Variants in TEC observed in about 807,000 individuals in gnomAD.
The protein encoded by TEC is tyrosine-protein kinase Tec.
TEC carries 72 observed loss-of-function variants against 93.0 expected under a neutral mutation model. The ratio of observed to expected loss-of-function variants is 0.77; its 90% confidence interval spans 0.64 to 0.94. The LOEUF (loss-of-function observed/expected upper bound fraction) is 0.94, where lower values mean the gene tolerates loss of function less well. Ranked by LOEUF, TEC falls within the 40% of genes least tolerant of loss-of-function variation. The pLI is 0.00. For synonymous variants in TEC, 249 were observed against 247.7 expected (o/e 1.01, Z -0.05); for missense variants, 630 against 757.9 (o/e 0.83, Z 1.98).
Position 48,200,277 on chromosome 4 carries a change from G to T in TEC, c.139-24091C>A, listed in dbSNP as rs79981131. On this transcript the variant is annotated intron_variant, in intron 2 of 17. Coordinates refer to ENST00000381501, the MANE Select transcript of TEC (RefSeq NM_003215.3). The stretch of plus-strand genomic sequence containing the variant: ...GAGGAACTGAAAAACAGGTGGGCTG[G>T]GGGGTGGGGAGTGAGGAGAAAGAAT... Among the ~76,000 whole-genome samples the T allele has an allele frequency of 8.8e-3, 1,335 of 152,152 alleles. 11 individuals are homozygous for T. The highest frequency in any genetic ancestry group is 0.029 in the South Asian group (138 of 4,820).
At position 48,138,965 on chromosome 4, in the gene TEC, C is replaced by T; in HGVS notation, c.1593G>A (p.Trp531Ter). The change falls in exon 16 of 18, where the codon TGG (tryptophan) becomes TGA (stop). Residue 531 changes from tryptophan to a stop codon, truncating the protein, a stop_gained. Transcript: ENST00000381501. LOFTEE classifies it high-confidence loss of function. Reference sequence around the variant, plus strand: ...TGTAATTAAACACTTCAGGTGGACACCACTTCACAGGAAACTTAGCACCAG... The same window carrying T: ...TGTAATTAAACACTTCAGGTGGACATCACTTCACAGGAAACTTAGCACCAG... ...SSSGAKFPVK[W>*]CPPEVFNYSR... is the part of the protein sequence containing the mutation. 2 of 1,614,200 alleles carry T rather than the reference C, an allele frequency of 1.2e-6. No homozygotes were observed. The highest frequency in any genetic ancestry group is 1.1e-5 in the South Asian group (1 of 91,086).
At chr4:48,238,879 G>A (rs1723857038) in intron 1 of TEC, among the ~76,000 whole-genome samples, 1 of 151,920 alleles carries the variant, frequency 6.6e-6, no homozygotes, top group Admixed American at 6.6e-5. Flanking sequence ...TCCAGCCTCC[G>A]ACTGGCAGAC....
intron 1 of TEC, among the ~76,000 whole-genome samples, chr4:48,242,534 CT>C (rs1267497005): frequency 6.6e-6 from 1 of 152,178 alleles, no homozygotes; most frequent in Non-Finnish European, 1.5e-5. Flanking sequence ...AAAGAAAACT[CT>C]TATTTCAAAA....
chr4:48,249,936 T>G (rs1724158735), intron 1 of TEC, among the ~76,000 whole-genome samples: 1 of 152,206 alleles, frequency 6.6e-6, no homozygotes, highest in Admixed American at 6.5e-5. Flanking sequence ...ACTAGAAGAC[T>G]TCAGGGTGAC....
At chr4:48,220,118 A>T (rs1481600799) in intron 2 of TEC, among the ~76,000 whole-genome samples, 3 of 145,894 alleles carry the variant, frequency 2.1e-5, no homozygotes, top group Non-Finnish European at 4.5e-5. Context: ...TATCCTAGAG[A>T]TGGGGAGATG....
chr4:48,197,498 T>A (rs542703024), intron 2 of TEC, among the ~76,000 whole-genome samples: 30 of 152,214 alleles, frequency 2.0e-4, no homozygotes, highest in African/African-American at 7.2e-4. Flanking sequence ...AAACAGCACA[T>A]GCAAGAAGGG....
chr4:48,188,629 A>G (rs569920986), intron 2 of TEC, among the ~76,000 whole-genome samples: 1 of 152,272 alleles, frequency 6.6e-6, no homozygotes, highest in East Asian at 1.9e-4. Flanking sequence ...TATGCTATAC[A>G]TACATATACA....
chr4:48,231,747 A>G (rs1723653530), intron 1 of TEC, among the ~76,000 whole-genome samples: 1 of 151,564 alleles, frequency 6.6e-6, no homozygotes, highest in Non-Finnish European at 1.5e-5. Flanking sequence ...ACAGAGCAAG[A>G]CTCCGTCTGA....
intron 17 of TEC, 64 bp from the exon 18 acceptor site, chr4:48,137,563 C>T (rs1267305085): frequency 1.1e-5 from 15 of 1,324,074 alleles, no homozygotes; most frequent in Non-Finnish European, 1.5e-5. Flanking sequence ...CCTCTCACTG[C>T]TCCAACTCCT....
chr4:48,269,636 G>T (rs1724737530), intron 1 of TEC, 116 bp downstream of exon 1: 1 of 152,280 alleles, frequency 6.6e-6, no homozygotes, highest in Non-Finnish European at 1.5e-5. Flanking sequence ...ATCCTTCCCC[G>T]TTCCTCGAGG....
intron 1 of TEC, among the ~76,000 whole-genome samples, chr4:48,229,019 A>C (rs778254712): frequency 3.9e-5 from 6 of 152,208 alleles, no homozygotes; most frequent in African/African-American, 7.2e-5. Flanking sequence ...TGTGTGGCTG[A>C]TTTACACTGG....
chr4:48,173,461 T>C, intron 3 of TEC, among the ~76,000 whole-genome samples: 1 of 152,202 alleles, frequency 6.6e-6, no homozygotes, highest in African/African-American at 2.4e-5. Flanking sequence ...TGGGCCAGTA[T>C]CTCCCTGAGC....
intron 14 of TEC, among the ~76,000 whole-genome samples, chr4:48,142,224 AT>A (rs1719703982): frequency 6.6e-6 from 1 of 151,900 alleles, no homozygotes; most frequent in Non-Finnish European, 1.5e-5. Flanking sequence ...CAATCCCAAC[AT>A]TTTGGGAGGC....
chr4:48,253,016 T>C (rs1724247513), intron 1 of TEC, among the ~76,000 whole-genome samples: 1 of 152,212 alleles, frequency 6.6e-6, no homozygotes, highest in Non-Finnish European at 1.5e-5. Flanking sequence ...AGGTGAATCA[T>C]ATAGAATGCA....
At chr4:48,200,277 G>C (rs79981131) in intron 2 of TEC, among the ~76,000 whole-genome samples, 1 of 152,034 alleles carries the variant, frequency 6.6e-6, no homozygotes, top group Non-Finnish European at 1.5e-5. Context: ...AGGTGGGCTG[G>C]GGGGTGGGGA....
intron 9 of TEC, among the ~76,000 whole-genome samples, chr4:48,151,322 T>C (rs1243882058): frequency 6.6e-6 from 1 of 152,166 alleles, no homozygotes; most frequent in Non-Finnish European, 1.5e-5. Context: ...TTCTTAATGA[T>C]TGGGTTTCAT....
chr4:48,236,540 C>T (rs1723791462), intron 1 of TEC, among the ~76,000 whole-genome samples: 1 of 152,168 alleles, frequency 6.6e-6, no homozygotes, highest in South Asian at 2.1e-4. Flanking sequence ...TCGCGGCCTC[C>T]CAAAGTGCTG....
At position 48,240,106 on chromosome 4, in the gene TEC, A is replaced by T. The variant is rs139217460; in HGVS notation, c.-45-11447T>A. Among the ~76,000 whole-genome samples the T allele has an allele frequency of 4.6e-3, 698 of 152,180 alleles. 3 individuals are homozygous for T. Among genetic ancestry groups the T allele is most frequent in the African/African-American group, 0.016 (665 of 41,508 alleles). ...TGTCTGTGATTTGCTTCCTAATCTGAAGGGTATGGAAGAGTATAGACAAAA... is the reference window on the plus strand; with the variant it reads ...TGTCTGTGATTTGCTTCCTAATCTGTAGGGTATGGAAGAGTATAGACAAAA... On this transcript the variant is annotated intron_variant, in intron 1 of 17. Coordinates refer to ENST00000381501, the MANE Select transcript of TEC (RefSeq NM_003215.3).
intron 2 of TEC, among the ~76,000 whole-genome samples, chr4:48,207,586 A>G (rs1378984078): frequency 6.8e-6 from 1 of 147,362 alleles, no homozygotes; most frequent in Non-Finnish European, 1.5e-5. Flanking sequence ...GTTCGAGACC[A>G]GCCTGGCCAA....
Sources: gnomAD v4.1 joint callset for allele counts (sites outside exome capture counted in the v4.1 genomes callset) on GRCh38, gnomAD v4.1.1 for gene constraint, MANE v1.5 for transcripts, NCBI Gene and HGNC (gene_info 2026-07-23, HGNC 2026-07-21) for gene names.